SFXN1: variants seen among roughly 807,000 people sequenced by gnomAD.
SFXN1 encodes sideroflexin-1.
Under a neutral mutation model 39.5 loss-of-function variants are expected in SFXN1, and 32 were observed. The ratio of observed to expected loss-of-function variants is 0.81; its 90% CI spans 0.61 to 1.09. The LOEUF (loss-of-function observed/expected upper bound fraction) is 1.09. Ranked by LOEUF, SFXN1 falls within the 50% of genes least tolerant of loss-of-function variation. The pLI is 0.00. For missense variants in SFXN1, 402 were observed against 407.1 expected (o/e 0.99, Z 0.11); for synonymous variants, 136 against 146.5 (o/e 0.93, Z 0.52).
intron 1 of SFXN1, among the ~76,000 whole-genome samples, chr5:175,479,030 G>A (rs1759134894): frequency 6.6e-6 from 1 of 152,212 alleles, no homozygotes; most frequent in South Asian, 2.1e-4. Context: ...CAGCCAGGTG[G>A]CCCAGTGCCT....
intron 4 of SFXN1, among the ~76,000 whole-genome samples, chr5:175,510,655 A>G (rs964855976): frequency 1.3e-5 from 2 of 152,182 alleles, no homozygotes; most frequent in Admixed American, 6.5e-5. Context: ...TGTGAACTTT[A>G]TATCTGATAT....
Position 175,528,789 on chromosome 5 carries a change from A to G in SFXN1, c.*2055A>G, listed in dbSNP as rs1761153851. The stretch of plus-strand genomic sequence containing the variant: ...CCTTGGACAGATTCTGTTGTCCTCG[A>G]CGCGTCTCTTTATAAAGTGGTAAAA... On this transcript the variant is annotated 3_prime_UTR_variant, in exon 11 of 11. Transcript: ENST00000321442. 6.6e-6 allele frequency: 1 copy of G among 152,154 alleles called. No individual in the cohort carries two copies. The highest frequency in any genetic ancestry group is 6.6e-5 in the Admixed American group (1 of 15,266). 9.4% of individuals were successfully genotyped at this position (152,154 alleles called of 1,614,324 possible). A position where few individuals can be genotyped will look rare whatever the true frequency, so the allele number is the denominator to read the frequency against.
intron 1 of SFXN1, among the ~76,000 whole-genome samples, chr5:175,479,167 G>T (rs904420054): frequency 6.6e-6 from 1 of 152,268 alleles, no homozygotes; most frequent in Non-Finnish European, 1.5e-5. Flanking sequence ...GATTCTTGGA[G>T]TAGTAGTTGG....
intron 7 of SFXN1, among the ~76,000 whole-genome samples, chr5:175,514,724 T>C (rs927388591): frequency 6.6e-5 from 10 of 152,210 alleles, no homozygotes; most frequent in African/African-American, 2.4e-4. Context: ...AGGAAAACTT[T>C]GAGGAATATG....
intron 6 of SFXN1, among the ~76,000 whole-genome samples, chr5:175,512,691 C>T (rs1056183780): frequency 5.9e-5 from 9 of 151,846 alleles, no homozygotes; most frequent in Admixed American, 5.9e-4. Flanking sequence ...GAATGGATAA[C>T]GAAAAACAGG....
At chr5:175,489,857 A>C (rs921784879) in intron 1 of SFXN1, among the ~76,000 whole-genome samples, 4 of 152,178 alleles carry the variant, frequency 2.6e-5, no homozygotes, top group African/African-American at 9.7e-5. Flanking sequence ...ACATGAGACC[A>C]TGAGCCATTT....
At chr5:175,513,721 TAAAC>T (rs1245444063) in intron 7 of SFXN1, 131 bp downstream of exon 7, 4 of 928,854 alleles carry the variant, frequency 4.3e-6, no homozygotes, top group Middle Eastern at 3.3e-4. Flanking sequence ...TGGCAGAAAA[TAAAC>T]AAGTAAATAA....
chr5:175,488,519 G>A (rs2382027), intron 1 of SFXN1, among the ~76,000 whole-genome samples: 1 of 151,898 alleles, frequency 6.6e-6, no homozygotes, highest in Non-Finnish European at 1.5e-5. Context: ...GGCTGGTCTC[G>A]AACTCCTGAC....
chr5:175,506,687 G>GA (rs1336222061), intron 2 of SFXN1, among the ~76,000 whole-genome samples: 1 of 151,172 alleles, frequency 6.6e-6, no homozygotes, highest in Non-Finnish European at 1.5e-5. Context: ...TTTTTTTTGA[G>GA]ACAGAGTCTC....
rs1263166486 is a variant in SFXN1 at position 175,492,154 on chromosome 5, T to C, written c.51T>C (p.Asp17=). The C allele has an allele frequency of 2.5e-6, 4 of 1,613,942 alleles. No individual in the cohort carries two copies. In the Admixed American group the frequency reaches 5.0e-5, roughly 20 times the overall value. Residue 17 remains aspartate, a synonymous_variant, in exon 2 of 11, where the codon GAT becomes GAC. Coordinates refer to ENST00000321442, the MANE Select transcript of SFXN1 (RefSeq NM_022754.7). ...TTAACATCAAGGAACCTCGATGGGATCAAAGCACTTTCATTGGACGAGCCA... is the reference window on the plus strand; with the variant it reads ...TTAACATCAAGGAACCTCGATGGGACCAAAGCACTTTCATTGGACGAGCCA... The part of the protein sequence containing the change: ...PNINIKEPRW[D]QSTFIGRANH...
At chr5:175,520,673 T>C (rs1760851949) in intron 8 of SFXN1, among the ~76,000 whole-genome samples, 1 of 152,152 alleles carries the variant, frequency 6.6e-6, no homozygotes, top group African/African-American at 2.4e-5. Flanking sequence ...CTACTTACAA[T>C]GAGGAGGCTG....
chr5:175,498,495 T>A (rs1175561470), intron 2 of SFXN1, among the ~76,000 whole-genome samples: 1 of 152,190 alleles, frequency 6.6e-6, no homozygotes, highest in African/African-American at 2.4e-5. Flanking sequence ...CTACATACAC[T>A]GCTTTTCAAA....
intron 1 of SFXN1, chr5:175,483,713 T>C (rs1270712193): frequency 6.6e-6 from 1 of 152,340 alleles, no homozygotes; most frequent in Non-Finnish European, 1.5e-5. Flanking sequence ...AGTAAGCGCC[T>C]CTTCCACAGC....
intron 10 of SFXN1, among the ~76,000 whole-genome samples, chr5:175,524,618 TAA>T (rs1297072149): frequency 3.6e-5 from 5 of 138,454 alleles, no homozygotes; most frequent in African/African-American, 2.7e-5. Flanking sequence ...TGTCCCAACT[TAA>T]AAAAAAAAAA....
intron 1 of SFXN1, among the ~76,000 whole-genome samples, chr5:175,488,502 A>G (rs903649260): frequency 2.6e-5 from 4 of 152,046 alleles, no homozygotes; most frequent in African/African-American, 7.2e-5. Context: ...GGGTTTCTCC[A>G]TGTTGAGGCT....
chr5:175,512,208 A>G lies in SFXN1; in HGVS notation c.596+12A>G, dbSNP rs375862778. ...TTAATGAGGCAAAGGTAAGACGAAT[A>G]TGCACTCTTAGTAGGGACATGTGCT... On this transcript the variant is annotated intron_variant, in intron 6 of 10. Transcript: ENST00000321442. 36 of 1,611,292 alleles carry G rather than the reference A, an allele frequency of 2.2e-5. No individual in the cohort carries two copies. The African/African-American group carries it at 3.7e-4, about 17-fold the overall frequency.
In SFXN1 at chr5:175,513,547, G is replaced by T; in HGVS notation, c.681G>T (p.Thr227=). The T allele has an allele frequency of 6.2e-7, 1 of 1,613,908 alleles. No individual in the cohort carries two copies. The highest frequency in any genetic ancestry group is 8.5e-7 in the Non-Finnish European group (1 of 1,179,900). Residue 227 remains threonine (T), a synonymous_variant, in exon 7 of 11, where the codon ACG becomes ACT. Transcript: ENST00000321442. ...ESANAAKQAI[T]QVVVSRILMA... The stretch of plus-strand genomic sequence containing the variant: ...CGAACGCTGCGAAACAAGCCATCAC[G>T]CAAGTTGTCGTGTCCAGGATTCTCA...
Position 175,522,378 on chromosome 5 carries a change from G to A in SFXN1, c.828G>A (p.Leu276=). 1 of 1,579,630 alleles carries A rather than the reference G, an allele frequency of 6.3e-7. No homozygotes were observed. The highest frequency in any genetic ancestry group is 8.5e-7 in the Non-Finnish European group (1 of 1,170,916). The change falls in exon 10 of 11, where the codon TTG becomes TTA. Residue 276 remains leucine (L), a synonymous_variant. Coordinates refer to ENST00000321442, the MANE Select transcript of SFXN1 (RefSeq NM_022754.7). ...PIQVGLVGFC[L]VFATPLCCAL... ...TTTTTTTTGTATTTTTTTTAAGTTT[G>A]GTGTTTGCTACACCCCTGTGTTGTG...
intron 3 of SFXN1, among the ~76,000 whole-genome samples, chr5:175,509,848 C>G (rs1203240403): frequency 6.6e-6 from 1 of 152,098 alleles, no homozygotes; most frequent in African/African-American, 2.4e-5. Context: ...TATTCTGTAC[C>G]AGGCTCTCTA....
Sources: allele counts gnomAD v4.1 joint callset (sites outside exome capture counted in the v4.1 genomes callset), GRCh38; gene constraint gnomAD v4.1.1; transcripts MANE v1.5; gene names NCBI Gene and HGNC (gene_info 2026-07-23, HGNC 2026-07-21).